The following DIP2C variants were observed in gnomAD, a reference collection of about 807,000 sequenced individuals.
DIP2C encodes DIP2 acetate--CoA ligase C (putative).
In DIP2C, 33 loss-of-function variants were observed where a neutral mutation model predicts 192.4. The ratio of observed to expected loss-of-function variants is 0.17; its 90% CI spans 0.13 to 0.23. DIP2C has a LOEUF of 0.23. Ranked by LOEUF, DIP2C falls within the 10% of genes least tolerant of loss-of-function variation. DIP2C has a pLI of 1.00. For synonymous variants in DIP2C, 979 were observed against 864.1 expected (o/e 1.13, Z -2.33); for missense variants, 1,537 against 2,110.1 (o/e 0.73, Z 5.32).
At chr10:367,188 C>G (rs185934000) in intron 18 of DIP2C, among the ~76,000 whole-genome samples, 1 of 152,184 alleles carries the variant, frequency 6.6e-6, no homozygotes, top group Admixed American at 6.5e-5. Flanking sequence ...GAGGCCGAGG[C>G]GGGCGGATCA....
At chr10:284,553 A>G (rs1954998907) in intron 34 of DIP2C, among the ~76,000 whole-genome samples, 1 of 152,230 alleles carries the variant, frequency 6.6e-6, no homozygotes, top group African/African-American at 2.4e-5. Flanking sequence ...AGCTGAGTTC[A>G]TAGAAGCGGA....
chr10:399,281 G>A (rs1040138527), intron 9 of DIP2C, 62 bp from the exon 10 acceptor site: 75 of 1,357,670 alleles, frequency 5.5e-5, no homozygotes, highest in Middle Eastern at 5.4e-4. Context: ...AAGACGCCAC[G>A]GAAGAGCTTG....
chr10:514,203 C>CG (rs1846209611), intron 1 of DIP2C, among the ~76,000 whole-genome samples: 1 of 142,888 alleles, frequency 7.0e-6, no homozygotes, highest in Non-Finnish European at 1.5e-5. Flanking sequence ...AGAACCACCC[C>CG]CCTTCCTTGG....
At chr10:323,575 G>C (rs1292150139) in intron 31 of DIP2C, among the ~76,000 whole-genome samples, 2 of 152,208 alleles carry the variant, frequency 1.3e-5, no homozygotes, top group African/African-American at 2.4e-5. Flanking sequence ...AAATATTTAG[G>C]TACAAGGTTT....
chr10:355,663 G>A (rs1011227736), intron 24 of DIP2C, among the ~76,000 whole-genome samples: 1 of 152,180 alleles, frequency 6.6e-6, no homozygotes, highest in Non-Finnish European at 1.5e-5. Flanking sequence ...AAGTACTACG[G>A]TGGAACAATA....
At chr10:602,674 C>CCAGA (rs766314127) in intron 1 of DIP2C, among the ~76,000 whole-genome samples, 1 of 152,198 alleles carries the variant, frequency 6.6e-6, no homozygotes, top group Non-Finnish European at 1.5e-5. Flanking sequence ...CTACAGCAGC[C>CCAGA]CAGACAGTCA....
intron 1 of DIP2C, among the ~76,000 whole-genome samples, chr10:683,504 A>T (rs1831203882): frequency 6.6e-6 from 1 of 152,204 alleles, no homozygotes; most frequent in South Asian, 2.1e-4. Context: ...AGGTGGAAGC[A>T]GGAAGGACAC....
chr10:464,777 G>A lies in DIP2C; in HGVS notation c.268+7662C>T, dbSNP rs552637083. Among the ~76,000 whole-genome samples the A allele has an allele frequency of 5.3e-5, 8 of 152,180 alleles. No homozygotes were observed. In the East Asian group the frequency reaches 1.5e-3, roughly 29 times the overall value. The stretch of plus-strand genomic sequence containing the variant: ...GGATAAAGAAAATGTGGCTAAACTA[G>A]AAAATCTAGAAGAAATGGATACATT... On this transcript the variant is annotated intron_variant, in intron 3 of 36. Coordinates refer to ENST00000280886, the MANE Select transcript of DIP2C (RefSeq NM_014974.3).
At chr10:311,542 C>T (rs1022648609) in intron 31 of DIP2C, 65 of 1,232,354 alleles carry the variant, frequency 5.3e-5, no homozygotes, top group African/African-American at 2.0e-4. Flanking sequence ...CCTACCTGCT[C>T]GGCCAGGGTC....
In DIP2C at chr10:390,069, C is replaced by A; in HGVS notation, c.1519G>T (p.Val507Leu). ...GTCCTCGTCACCGTCACACCCAGCA[C>A]ACTGCCATCCTTACACGTCTTGTAC... is the stretch of plus-strand genomic sequence containing the variant. ...IEYKTCKDGS[V>L]LGVTVTRTAL... The change falls in exon 13 of 37, where the codon GTG (valine) becomes TTG (leucine). Residue 507 changes from valine (V) to leucine (L), a missense_variant. Around this residue, in one of 4 missense-constraint regions of DIP2C, gnomAD observed 677 missense variants for 989.9 expected, o/e 0.68. Transcript: ENST00000280886. The A allele has an allele frequency of 5.6e-6, 9 of 1,614,158 alleles. No individual in the cohort carries two copies. The highest frequency in any genetic ancestry group is 7.6e-6 in the Non-Finnish European group (9 of 1,179,996).
At chr10:558,610 A>G (rs1317307689) in intron 1 of DIP2C, among the ~76,000 whole-genome samples, 1 of 152,122 alleles carries the variant, frequency 6.6e-6, no homozygotes, top group Non-Finnish European at 1.5e-5. Flanking sequence ...GTCTCGGGGA[A>G]AGGCAGCTTC....
Position 674,284 on chromosome 10 carries a change from A to G in DIP2C, c.85+15210T>C, listed in dbSNP as rs188216352. Among the ~76,000 whole-genome samples, 325 of 152,348 alleles carry G rather than the reference A, an allele frequency of 2.1e-3. 1 individual carries two copies. The highest frequency in any genetic ancestry group is 6.8e-3 in the Middle Eastern group (2 of 294). Reference sequence around the variant, plus strand: ...GGAAAAACATGTTTCACATTAATGGAAATCAAAAGTGAGCAAGAGTAGCTA... The same window carrying G: ...GGAAAAACATGTTTCACATTAATGGGAATCAAAAGTGAGCAAGAGTAGCTA... On this transcript the variant is annotated intron_variant, in intron 1 of 36. Coordinates refer to ENST00000280886, the MANE Select transcript of DIP2C (RefSeq NM_014974.3).
At chr10:657,768 G>A (rs1158382619) in intron 1 of DIP2C, among the ~76,000 whole-genome samples, 4 of 131,008 alleles carry the variant, frequency 3.1e-5, no homozygotes, top group Non-Finnish European at 3.2e-5. Flanking sequence ...TGGACCTGAC[G>A]CTTGACCTGA....
At chr10:464,349 T>C (rs746385929) in intron 3 of DIP2C, among the ~76,000 whole-genome samples, 7 of 151,234 alleles carry the variant, frequency 4.6e-5, no homozygotes, top group Non-Finnish European at 7.4e-5. Context: ...CAGACACTTC[T>C]CAAAAGAAGA....
chr10:599,963 C>CT (rs1222360123), intron 1 of DIP2C, among the ~76,000 whole-genome samples: 1 of 152,130 alleles, frequency 6.6e-6, no homozygotes, highest in African/African-American at 2.4e-5. Flanking sequence ...CAGGAGGGGG[C>CT]TTCCAGGACT....
At chr10:281,153 C>A in intron 36 of DIP2C, 47 bp downstream of exon 36, 1 of 1,603,394 alleles carries the variant, frequency 6.2e-7, no homozygotes, top group Non-Finnish European at 8.5e-7. Flanking sequence ...CAATGCTTCA[C>A]AAACTCTGCT....
chr10:327,382 T>C (rs1957321551), intron 30 of DIP2C, among the ~76,000 whole-genome samples: 3 of 152,102 alleles, frequency 2.0e-5, no homozygotes, highest in Non-Finnish European at 4.4e-5. Context: ...TGATTAAGAA[T>C]GGAATTACAA....
In DIP2C at chr10:382,674, G is replaced by A; in HGVS notation, c.1964C>T (p.Pro655Leu). Residue 655 changes from proline (P) to leucine (L), a missense_variant, in exon 17 of 37, where the codon CCA becomes CTA. Transcript: ENST00000280886. ...CCGGATGGCCACAGTGAGGGCCTCT[G>A]GCGAGCTGGCACAAGGACAGATGAC... ...QEVICPCASS[P>L]EALTVAIRRP... 2 of 1,613,866 alleles carry A rather than the reference G, an allele frequency of 1.2e-6. No individual in the cohort carries two copies. Among genetic ancestry groups the A allele is most frequent in the Non-Finnish European group, 1.7e-6 (2 of 1,179,936 alleles).
At chr10:645,647 G>C (rs897619826) in intron 1 of DIP2C, among the ~76,000 whole-genome samples, 6 of 152,160 alleles carry the variant, frequency 3.9e-5, no homozygotes, top group African/African-American at 1.4e-4. Context: ...TTTTTAACAA[G>C]AAAGGTGCTT....
Sources: allele counts gnomAD v4.1 joint callset (sites outside exome capture counted in the v4.1 genomes callset), GRCh38; gene constraint gnomAD v4.1.1; regional missense constraint gnomAD v4.1.1; transcripts MANE v1.5; gene names NCBI Gene and HGNC (gene_info 2026-07-23, HGNC 2026-07-21).